The following NFATC1 variants were observed in gnomAD, a reference collection of about 807,000 sequenced individuals.
NFATC1 encodes the protein nuclear factor of activated T-cells, cytoplasmic 1.
A neutral mutation model predicts 76.0 loss-of-function variants in NFATC1; 22 were observed. The ratio of observed to expected loss-of-function variants is 0.29; its 90% confidence interval spans 0.21 to 0.41. The LOEUF (loss-of-function observed/expected upper bound fraction) is 0.41. NFATC1 is among the 10% of genes least tolerant of loss of function. The pLI is 1.00. For missense variants in NFATC1, 1,357 were observed against 1,337.7 expected, an observed-to-expected ratio of 1.01 and a Z score of -0.23; for synonymous variants, 704 against 613.1, an observed-to-expected ratio of 1.15 and a Z score of -2.19.
In NFATC1 at chr18:79,411,004, C is replaced by T. The variant is rs768838244; in HGVS notation, c.729C>T (p.Arg243=). 1.6e-5 allele frequency: 25 copies of T among 1,610,132 alleles called. No individual in the cohort carries two copies. The highest frequency in any genetic ancestry group is 3.3e-5 in the Admixed American group (2 of 59,838). ...SPRHSPSTSP[R]ASVTEESWLG... ...GGCACTCCCCCTCCACCTCGCCCCGCGCCAGCGTCACTGAGGAGAGCTGGC... is the reference window on the plus strand; with the variant it reads ...GGCACTCCCCCTCCACCTCGCCCCGTGCCAGCGTCACTGAGGAGAGCTGGC... The change falls in exon 2 of 10, where the codon CGC becomes CGT. Residue 243 remains arginine, a synonymous_variant. Coordinates refer to ENST00000427363, the MANE Select transcript of NFATC1 (RefSeq NM_001278669.2).
In NFATC1 at chr18:79,418,170, G is replaced by A. The variant is rs563222886; in HGVS notation, c.1226+6669G>A. Among the ~76,000 whole-genome samples the A allele has an allele frequency of 1.8e-4, 28 of 152,218 alleles. 1 individual carries two copies. In the South Asian group the frequency reaches 3.1e-3, roughly 17 times the overall value. ...GGTGTTGATGGAGACTGTGGGGGTC[G>A]GGGGAGCCAGCAGTTTCGTTGTGTG... On this transcript the variant is annotated intron_variant, in intron 2 of 9. Transcript: ENST00000427363.
At chr18:79,479,379 C>T (rs1435356360) in intron 8 of NFATC1, among the ~76,000 whole-genome samples, 1 of 151,852 alleles carries the variant, frequency 6.6e-6, no homozygotes, top group Non-Finnish European at 1.5e-5. Context: ...GTGCGGCCCC[C>T]CTCCACGGGT....
chr18:79,512,024 G>A (rs1660137), intron 9 of NFATC1, among the ~76,000 whole-genome samples: 82,634 of 152,044 alleles, frequency 0.54, 25,892 homozygotes, highest in Non-Finnish European at 0.71. Context: ...GCGGGAGCAC[G>A]CGGGGCACAG....
At chr18:79,440,947 G>A (rs1175100885) in intron 3 of NFATC1, among the ~76,000 whole-genome samples, 2 of 152,206 alleles carry the variant, frequency 1.3e-5, no homozygotes, top group Non-Finnish European at 1.5e-5. Flanking sequence ...CCATGGGCGT[G>A]TGCCCGTCTG....
At chr18:79,483,849 G>A (rs1416971985) in intron 8 of NFATC1, among the ~76,000 whole-genome samples, 1 of 129,940 alleles carries the variant, frequency 7.7e-6, no homozygotes, top group Non-Finnish European at 1.6e-5. Context: ...AGCGTGACGT[G>A]GTTCCTGGGG....
At chr18:79,510,470 C>T (rs147617727) in intron 9 of NFATC1, among the ~76,000 whole-genome samples, 2 of 152,314 alleles carry the variant, frequency 1.3e-5, no homozygotes, top group South Asian at 2.1e-4. Context: ...CCTGATGGCA[C>T]CTGCGTGGTT....
intron 9 of NFATC1, among the ~76,000 whole-genome samples, chr18:79,511,391 G>A (rs571560975): frequency 3.9e-4 from 60 of 152,282 alleles, no homozygotes; most frequent in African/African-American, 1.4e-3. Flanking sequence ...CCGTACCTCC[G>A]TGACTTTTCT....
chr18:79,451,649 C>T, intron 5 of NFATC1, 27 bp from the exon 6 acceptor site: 1 of 1,556,144 alleles, frequency 6.4e-7, no homozygotes, highest in Non-Finnish European at 8.7e-7. Flanking sequence ...AGGACAGGCC[C>T]TCACTGCCCC....
intron 3 of NFATC1, among the ~76,000 whole-genome samples, chr18:79,437,034 G>T (rs955737964): frequency 6.6e-6 from 1 of 152,202 alleles, no homozygotes. Context: ...CAACAGGGCC[G>T]TGGTTTAGCC....
At position 79,450,399 on chromosome 18, in the gene NFATC1, TTTA is replaced by T. The variant is rs1600748767; in HGVS notation, c.1590-550_1590-548del. 4.0e-5 allele frequency among the ~76,000 whole-genome samples: 6 copies of T among 148,582 alleles called. No individual in the cohort carries two copies. In the South Asian group the frequency reaches 1.0e-3, roughly 26 times the overall value. ...ATAGAATAATTTATTCTAATTATGA[TTTA>T]TTATATATTTTATATAATTATAAAT... is the stretch of plus-strand genomic sequence containing the variant. On this transcript the variant is annotated intron_variant, in intron 4 of 9. Coordinates refer to ENST00000427363, the MANE Select transcript of NFATC1 (RefSeq NM_001278669.2).
rs914034053 is a variant in NFATC1, at chr18:79,402,239, C to T, written c.127+5888C>T. Reference sequence around the variant, plus strand: ...AGACGCACAGGAGGCCAGTCTCTGCCCCTCGAGGCCTAGTCTCACAAGGAC... The same window carrying T: ...AGACGCACAGGAGGCCAGTCTCTGCTCCTCGAGGCCTAGTCTCACAAGGAC... On this transcript the variant is annotated intron_variant, in intron 1 of 9. Coordinates refer to ENST00000427363, the MANE Select transcript of NFATC1 (RefSeq NM_001278669.2). 3.2e-5 allele frequency: 22 copies of T among 687,740 alleles called. 1 individual carries two copies. The highest frequency in any genetic ancestry group is 7.8e-5 in the African/African-American group (4 of 51,290). 42.6% of individuals were successfully genotyped at this position (687,740 alleles called of 1,614,324 possible). A position where few individuals can be genotyped will look rare whatever the true frequency, so the allele number is the denominator to read the frequency against.
chr18:79,488,852 G>A (rs1026834397), intron 9 of NFATC1, among the ~76,000 whole-genome samples: 2 of 152,186 alleles, frequency 1.3e-5, no homozygotes, highest in African/African-American at 4.8e-5. Flanking sequence ...TCCCACAATT[G>A]GGTAGTGCCC....
intron 1 of NFATC1, among the ~76,000 whole-genome samples, chr18:79,409,405 G>A (rs66920840): frequency 0.12 from 17,548 of 144,114 alleles, 1,050 homozygotes; most frequent in Middle Eastern, 0.23. Context: ...TCCATTCCTC[G>A]TCCATCCATC....
chr18:79,468,270 G>C (rs1160622290), intron 8 of NFATC1: 1 of 151,554 alleles, frequency 6.6e-6, no homozygotes, highest in Admixed American at 6.6e-5. Flanking sequence ...CCCTGAACCA[G>C]TAGAAGAGAA....
Position 79,528,170 on chromosome 18 carries a change from C to T in NFATC1, c.*593C>T, listed in dbSNP as rs1411823847. ...CTTACACAGTGCATTTTAGAATCTTCCAGTCTGTCATCTCAGCTCTTTTGT... is the reference window on the plus strand; with the variant it reads ...CTTACACAGTGCATTTTAGAATCTTTCAGTCTGTCATCTCAGCTCTTTTGT... On this transcript the variant is annotated 3_prime_UTR_variant, in exon 10 of 10. Coordinates refer to ENST00000427363, the MANE Select transcript of NFATC1 (RefSeq NM_001278669.2). 4 of 381,444 alleles carry T rather than the reference C, an allele frequency of 1.0e-5. No homozygotes were observed. The highest frequency in any genetic ancestry group is 1.9e-5 in the Non-Finnish European group (4 of 215,868). The allele number at this position is 381,444 out of a possible 1,614,324, so 23.6% of individuals were successfully genotyped here.
intron 2 of NFATC1, among the ~76,000 whole-genome samples, chr18:79,430,573 G>C (rs1338447566): frequency 2.0e-5 from 3 of 152,178 alleles, no homozygotes; most frequent in Non-Finnish European, 4.4e-5. Context: ...AGTGGAGACG[G>C]GGTTTCACCC....
At chr18:79,459,992 C>T (rs368155863) in intron 6 of NFATC1, among the ~76,000 whole-genome samples, 1 of 152,186 alleles carries the variant, frequency 6.6e-6, no homozygotes, top group East Asian at 1.9e-4. Flanking sequence ...TGGCTTCAAG[C>T]GCAACTGAGT....
At chr18:79,404,197 T>C (rs556885845) in intron 1 of NFATC1, among the ~76,000 whole-genome samples, 3 of 152,364 alleles carry the variant, frequency 2.0e-5, no homozygotes, top group South Asian at 2.1e-4. Context: ...TGAGGAACGA[T>C]GTCCCAGGTT....
intron 9 of NFATC1, among the ~76,000 whole-genome samples, chr18:79,523,041 T>C (rs1352448807): frequency 1.3e-5 from 2 of 152,070 alleles, no homozygotes; most frequent in Non-Finnish European, 2.9e-5. Flanking sequence ...ATTCCCACTC[T>C]CCGAGCCCTC....
Sources: allele counts gnomAD v4.1 joint callset (sites outside exome capture counted in the v4.1 genomes callset), GRCh38; gene constraint gnomAD v4.1.1; transcripts MANE v1.5; gene names NCBI Gene and HGNC (gene_info 2026-07-23, HGNC 2026-07-21).